The following CEP85L variants were observed in gnomAD, a reference collection of about 807,000 sequenced individuals.
CEP85L encodes the protein centrosomal protein of 85 kDa-like.
CEP85L carries 60 observed loss-of-function variants against 100.3 expected under a neutral mutation model. The observed-to-expected ratio is 0.60, with a 90% CI of 0.49 to 0.74. The LOEUF (loss-of-function observed/expected upper bound fraction) is 0.74. Ranked by LOEUF, CEP85L falls within the 30% of genes least tolerant of loss-of-function variation. The probability of loss-of-function intolerance (pLI) is 0.00; values close to 1 mark genes in which losing one functional copy is unlikely to be tolerated. For missense variants in CEP85L, 973 were observed against 936.2 expected, an observed-to-expected ratio of 1.04 and a Z score of -0.51; for synonymous variants, 319 against 322.7, an observed-to-expected ratio of 0.99 and a Z score of 0.12.
At chr6:118,474,316 T>A (rs138382397) in intron 10 of CEP85L, among the ~76,000 whole-genome samples, 1 of 152,284 alleles carries the variant, frequency 6.6e-6, no homozygotes, top group Non-Finnish European at 1.5e-5. Flanking sequence ...CACATCTCAT[T>A]GGGATGGAAA....
chr6:118,595,304 C>G (rs959131205), intron 2 of CEP85L, among the ~76,000 whole-genome samples: 1 of 152,088 alleles, frequency 6.6e-6, no homozygotes, highest in Non-Finnish European at 1.5e-5. Flanking sequence ...TCCTTCCAAC[C>G]TGGAATTTGA....
At chr6:118,490,915 A>G (rs762915065) in intron 6 of CEP85L, among the ~76,000 whole-genome samples, 3 of 152,080 alleles carry the variant, frequency 2.0e-5, no homozygotes, top group Non-Finnish European at 4.4e-5. Flanking sequence ...CATTTTCTTT[A>G]TCGATTCTTT....
At chr6:118,690,035 G>A (rs1394680580) in intron 1 of CEP85L, among the ~76,000 whole-genome samples, 2 of 151,688 alleles carry the variant, frequency 1.3e-5, no homozygotes, top group African/African-American at 2.4e-5. Context: ...TTACAGGCAT[G>A]AGCCACCATG....
chr6:118,649,163 T>C (rs1222061413), intron 1 of CEP85L, among the ~76,000 whole-genome samples: 2 of 152,094 alleles, frequency 1.3e-5, no homozygotes, highest in African/African-American at 2.4e-5. Flanking sequence ...ATTTTAAATA[T>C]TTATATTTGC....
intron 2 of CEP85L, among the ~76,000 whole-genome samples, chr6:118,569,162 T>C (rs1198652200): frequency 1.3e-5 from 2 of 151,494 alleles, no homozygotes; most frequent in Non-Finnish European, 2.9e-5. Flanking sequence ...CCAACAATAA[T>C]GAAACTCCAT....
intron 3 of CEP85L, among the ~76,000 whole-genome samples, chr6:118,557,947 G>A (rs1016994680): frequency 1.3e-5 from 2 of 150,720 alleles, no homozygotes; most frequent in Non-Finnish European, 3.0e-5. Context: ...CCAAATACTG[G>A]GTAATTATCT....
intron 1 of CEP85L, among the ~76,000 whole-genome samples, chr6:118,688,614 T>C (rs1456019765): frequency 2.6e-5 from 4 of 152,250 alleles, no homozygotes; most frequent in African/African-American, 4.8e-5. Context: ...TGCAGTCTTA[T>C]CAGTTTGTGA....
upstream of CEP85L, among the ~76,000 whole-genome samples, chr6:118,653,984 TA>T (rs1775685454): frequency 6.6e-6 from 1 of 152,254 alleles, no homozygotes; most frequent in African/African-American, 2.4e-5. Flanking sequence ...TTATAATTCT[TA>T]AATTTGTATA....
rs1772286329 is a variant in CEP85L at position 118,462,538 on chromosome 6, A to G, written c.*2867T>C. ...CAAAAGAACAAAATATTAATACTGG[A>G]TAAGATACTTTCTAAGCAAACAAGT... On this transcript the variant is annotated 3_prime_UTR_variant, in exon 13 of 13. Coordinates refer to ENST00000368491, the MANE Select transcript of CEP85L (RefSeq NM_001042475.3). 1 of 152,064 alleles carries G rather than the reference A, an allele frequency of 6.6e-6. No homozygotes were observed. The highest frequency in any genetic ancestry group is 2.4e-5 in the African/African-American group (1 of 41,450). 9.4% of individuals were successfully genotyped at this position (152,064 alleles called of 1,614,324 possible).
At chr6:118,688,721 C>G (rs1319852511) in intron 1 of CEP85L, among the ~76,000 whole-genome samples, 1 of 152,190 alleles carries the variant, frequency 6.6e-6, no homozygotes, top group Non-Finnish European at 1.5e-5. Context: ...TACGTTGGAG[C>G]CTCCTTTCCA....
intron 1 of CEP85L, among the ~76,000 whole-genome samples, chr6:118,677,837 C>T (rs1024724152): frequency 2.0e-5 from 3 of 152,306 alleles, no homozygotes; most frequent in South Asian, 2.1e-4. Context: ...CCCATAAATA[C>T]ATCTTACATT....
intron 3 of CEP85L, among the ~76,000 whole-genome samples, chr6:118,529,608 C>CA (rs55732442): frequency 0.017 from 1,594 of 92,376 alleles, 45 homozygotes; most frequent in African/African-American, 0.019. Context: ...ACTCTGTCTC[C>CA]AAAAAAAAAA....
intron 3 of CEP85L, among the ~76,000 whole-genome samples, chr6:118,562,617 TC>T (rs1779290082): frequency 1.3e-5 from 2 of 152,116 alleles, no homozygotes; most frequent in Non-Finnish European, 2.9e-5. Context: ...CCCATCAGCC[TC>T]CCAAAGTGTT....
intron 5 of CEP85L, among the ~76,000 whole-genome samples, chr6:118,498,654 AAAGGGAGG>A (rs1775081624): frequency 6.6e-6 from 1 of 150,418 alleles, no homozygotes; most frequent in Non-Finnish European, 1.5e-5. Flanking sequence ...GAAAGGGAGG[AAAGGGAGG>A]GAGGGAGGGA....
At chr6:118,536,613 C>T (rs765296496) in intron 3 of CEP85L, among the ~76,000 whole-genome samples, 5 of 152,138 alleles carry the variant, frequency 3.3e-5, no homozygotes, top group Admixed American at 6.6e-5. Context: ...AATGCACTGT[C>T]GTGGCTGTAA....
At chr6:118,632,754 A>G in intron 1 of CEP85L, 143 bp from the exon 2 acceptor site, 1 of 564,276 alleles carries the variant, frequency 1.8e-6, no homozygotes. Flanking sequence ...GATCAACAAA[A>G]TTAACCAAAT....
intron 1 of CEP85L, among the ~76,000 whole-genome samples, chr6:118,639,405 C>G (rs1774721183): frequency 6.6e-6 from 1 of 152,130 alleles, no homozygotes. Context: ...AGTTCTTCAC[C>G]AATTGTCAGC....
intron 5 of CEP85L, among the ~76,000 whole-genome samples, chr6:118,498,609 A>T (rs1159114112): frequency 1.3e-5 from 2 of 151,556 alleles, no homozygotes; most frequent in African/African-American, 4.8e-5. Flanking sequence ...AAAAAAAAAA[A>T]AAATAGAGAG....
At chr6:118,569,392 A>C (rs1310900312) in intron 2 of CEP85L, among the ~76,000 whole-genome samples, 1 of 148,558 alleles carries the variant, frequency 6.7e-6, no homozygotes, top group Admixed American at 6.7e-5. Context: ...CAGCCTTTTC[A>C]TGGCACATGT....
Sources: allele counts gnomAD v4.1 joint callset (sites outside exome capture counted in the v4.1 genomes callset), GRCh38; gene constraint gnomAD v4.1.1; transcripts MANE v1.5; gene names NCBI Gene and HGNC (gene_info 2026-07-23, HGNC 2026-07-21).